The following CLIC4 variants were observed in gnomAD, a reference collection of about 807,000 sequenced individuals.
The protein encoded by CLIC4 is chloride intracellular channel protein 4.
In CLIC4, 13 loss-of-function variants were observed where a neutral mutation model predicts 24.6. The observed-to-expected ratio is 0.53, with a 90% confidence interval of 0.34 to 0.84. The LOEUF (loss-of-function observed/expected upper bound fraction) is 0.84, where lower values mean the gene tolerates loss of function less well. CLIC4 is among the 40% of genes least tolerant of loss of function. The pLI, the probability that CLIC4 is intolerant of heterozygous loss-of-function variation, is 0.01. For synonymous variants in CLIC4, 104 were observed against 111.3 expected (o/e 0.93, Z 0.41); for missense variants, 227 against 301.7 (o/e 0.75, Z 1.83).
chr1:24,789,279 A>G (rs1358162884), intron 1 of CLIC4, among the ~76,000 whole-genome samples: 2 of 152,248 alleles, frequency 1.3e-5, no homozygotes, highest in South Asian at 4.1e-4. Flanking sequence ...GCACTTTGGG[A>G]GACCGAGGTG....
intron 1 of CLIC4, among the ~76,000 whole-genome samples, chr1:24,758,542 C>T (rs1271998716): frequency 6.6e-6 from 1 of 152,054 alleles, no homozygotes; most frequent in Non-Finnish European, 1.5e-5. Context: ...ACTGCAACCT[C>T]CACCTCCTGG....
chr1:24,829,215 C>T (rs1373215409), intron 4 of CLIC4, among the ~76,000 whole-genome samples: 1 of 152,034 alleles, frequency 6.6e-6, no homozygotes, highest in Non-Finnish European at 1.5e-5. Context: ...TTTCAAAATC[C>T]AATATGTTTG....
At chr1:24,797,894 T>C (rs748967320) in intron 2 of CLIC4, 43 bp downstream of exon 2, 2 of 1,324,426 alleles carry the variant, frequency 1.5e-6, no homozygotes, top group Non-Finnish European at 1.1e-6. Context: ...AGCTGAACTA[T>C]CTTTTCAGTT....
chr1:24,778,759 T>C (rs1639171527), intron 1 of CLIC4, among the ~76,000 whole-genome samples: 1 of 152,218 alleles, frequency 6.6e-6, no homozygotes, highest in Non-Finnish European at 1.5e-5. Flanking sequence ...CAGAACTCGT[T>C]TTCATCATGG....
At chr1:24,790,286 G>C (rs1254031211) in intron 1 of CLIC4, among the ~76,000 whole-genome samples, 1 of 152,154 alleles carries the variant, frequency 6.6e-6, no homozygotes, top group East Asian at 1.9e-4. Flanking sequence ...TGGCCAGGCT[G>C]GTCTTAAACG....
At chr1:24,798,866 C>T (rs966667892) in intron 2 of CLIC4, among the ~76,000 whole-genome samples, 3 of 152,256 alleles carry the variant, frequency 2.0e-5, no homozygotes, top group African/African-American at 7.2e-5. Flanking sequence ...GGGCAGGTCT[C>T]CAGCCCCTAA....
intron 1 of CLIC4, among the ~76,000 whole-genome samples, chr1:24,791,032 T>C (rs970230867): frequency 2.6e-5 from 4 of 152,198 alleles, no homozygotes; most frequent in Non-Finnish European, 2.9e-5. Context: ...AGTATGTAGA[T>C]AGAAAATAAA....
At chr1:24,823,774 CAAAA>C (rs10627275) in intron 3 of CLIC4, among the ~76,000 whole-genome samples, 4 of 108,738 alleles carry the variant, frequency 3.7e-5, no homozygotes, top group Admixed American at 1.0e-4. Context: ...AACTCTGTCT[CAAAA>C]AAAAAAAAAA....
At chr1:24,836,360 T>C (rs1191081647) in intron 4 of CLIC4, among the ~76,000 whole-genome samples, 25 of 152,088 alleles carry the variant, frequency 1.6e-4, no homozygotes, top group Admixed American at 1.6e-3. Flanking sequence ...GTGAACAAAT[T>C]TAATCTCATA....
chr1:24,793,629 A>G (rs1424228491), intron 1 of CLIC4, among the ~76,000 whole-genome samples: 2 of 152,120 alleles, frequency 1.3e-5, no homozygotes, highest in Admixed American at 6.5e-5. Flanking sequence ...TACAAGTTAT[A>G]TGTAGTATTA....
chr1:24,817,354 C>T (rs980919170), intron 3 of CLIC4, among the ~76,000 whole-genome samples: 2 of 152,124 alleles, frequency 1.3e-5, no homozygotes, highest in African/African-American at 4.8e-5. Flanking sequence ...TCTGCATAAG[C>T]ATTTGCTGCT....
At chr1:24,749,580 A>G (rs1638749064) in intron 1 of CLIC4, among the ~76,000 whole-genome samples, 1 of 152,244 alleles carries the variant, frequency 6.6e-6, no homozygotes, top group African/African-American at 2.4e-5. Flanking sequence ...TGTCATCTAT[A>G]TAACAGCAGG....
rs753523380 is a variant in CLIC4 at position 24,839,849 on chromosome 1, T to TC, written c.416-4dup. Reference sequence around the variant, plus strand: ...CTTACAGTATTCTCATCTCTTTTTTTCCCCCCCAAGCACTGGAGAGGGGTC... The same window carrying TC: ...CTTACAGTATTCTCATCTCTTTTTTTCCCCCCCCAAGCACTGGAGAGGGGTC... On this transcript the variant is annotated splice_polypyrimidine_tract_variant and intron_variant, in intron 4 of 5. Transcript: ENST00000374379. 1.8e-5 allele frequency: 29 copies of TC among 1,601,606 alleles called. No homozygotes were observed. Among genetic ancestry groups the TC allele is most frequent in the South Asian group, 1.3e-4 (12 of 90,048 alleles).
At chr1:24,812,729 CTTTT>C (rs199862185) in intron 2 of CLIC4, among the ~76,000 whole-genome samples, 11 of 151,698 alleles carry the variant, frequency 7.3e-5, no homozygotes, top group Non-Finnish European at 1.3e-4. Context: ...CTATTTCTTT[CTTTT>C]TTTTGAGACA....
Position 24,842,723 on chromosome 1 carries a change from G to T in CLIC4, c.*1786G>T, listed in dbSNP as rs1409755038. On this transcript the variant is annotated 3_prime_UTR_variant, in exon 6 of 6. Transcript: ENST00000374379. ...GGTTTTTTTTTGGTAATTAAATATT[G>T]TATGATTTATCTGGTTCAAGGAAGA... is the stretch of plus-strand genomic sequence containing the variant. 1.3e-5 allele frequency: 2 copies of T among 151,846 alleles called. No homozygotes were observed. Among genetic ancestry groups the T allele is most frequent in the Non-Finnish European group, 2.9e-5 (2 of 67,946 alleles). 9.4% of individuals were successfully genotyped at this position (151,846 alleles called of 1,614,324 possible). A position where few individuals can be genotyped will look rare whatever the true frequency, so the allele number is the denominator to read the frequency against.
At chr1:24,836,216 A>G (rs1477551356) in intron 4 of CLIC4, among the ~76,000 whole-genome samples, 2 of 152,262 alleles carry the variant, frequency 1.3e-5, no homozygotes, top group African/African-American at 4.8e-5. Flanking sequence ...ACCTGAAAAT[A>G]TAAGCCAAAC....
At position 24,841,573 on chromosome 1, in the gene CLIC4, C is replaced by T. The variant is rs1639943918; in HGVS notation, c.*636C>T. On this transcript the variant is annotated 3_prime_UTR_variant, in exon 6 of 6. Transcript: ENST00000374379. ...TTTACTTTTGCCTAAAAGCATTTAT[C>T]CTTCATACCAATTGTAACATCTGAC... 6.6e-6 allele frequency: 1 copy of T among 152,068 alleles called. No homozygotes were observed. Among genetic ancestry groups the T allele is most frequent in the South Asian group, 2.1e-4 (1 of 4,828 alleles). The allele number at this position is 152,068 out of a possible 1,614,324, so 9.4% of individuals were successfully genotyped here.
At chr1:24,753,478 T>A (rs192396019) in intron 1 of CLIC4, among the ~76,000 whole-genome samples, 104 of 152,248 alleles carry the variant, frequency 6.8e-4, no homozygotes, top group African/African-American at 2.2e-3. Flanking sequence ...GGAAGGAGGC[T>A]TAAACTTGAC....
chr1:24,775,474 T>C (rs564554310), intron 1 of CLIC4, among the ~76,000 whole-genome samples: 1 of 151,682 alleles, frequency 6.6e-6, no homozygotes, highest in Non-Finnish European at 1.5e-5. Context: ...TTCTTCAAAT[T>C]GAATAATTTC....
Sources: allele counts gnomAD v4.1 joint callset (sites outside exome capture counted in the v4.1 genomes callset), GRCh38; gene constraint gnomAD v4.1.1; transcripts MANE v1.5; gene names NCBI Gene and HGNC (gene_info 2026-07-23, HGNC 2026-07-21).